Variants in IFT88 observed in about 807,000 individuals in gnomAD.
IFT88 encodes the protein intraflagellar transport protein 88 homolog.
In IFT88, 74 loss-of-function variants were observed where a neutral mutation model predicts 119.5. The ratio of observed to expected loss-of-function variants is 0.62; its 90% CI spans 0.51 to 0.75. The LOEUF (loss-of-function observed/expected upper bound fraction) is 0.75. Ranked by LOEUF, IFT88 falls within the 30% of genes least tolerant of loss-of-function variation. The pLI, the probability that IFT88 is intolerant of heterozygous loss-of-function variation, is 0.00. For missense variants in IFT88, 961 were observed against 977.7 expected (o/e 0.98, Z 0.23); for synonymous variants, 279 against 316.7 (o/e 0.88, Z 1.26).
intron 1 of IFT88, 141 bp from the exon 2 acceptor site, chr13:20,574,239 G>T: frequency 2.5e-6 from 1 of 403,292 alleles, no homozygotes; most frequent in East Asian, 4.2e-5. Context: ...AGGATCACTT[G>T]TGCCAGAGAG....
intron 20 of IFT88, among the ~76,000 whole-genome samples, chr13:20,651,390 A>G (rs1423866735): frequency 6.7e-6 from 1 of 148,210 alleles, no homozygotes; most frequent in Non-Finnish European, 1.5e-5. Flanking sequence ...ACCCAAAGGA[A>G]TTGAAAGCTG....
At chr13:20,672,253 G>T (rs917662826) in intron 24 of IFT88, among the ~76,000 whole-genome samples, 2 of 152,110 alleles carry the variant, frequency 1.3e-5, no homozygotes, top group Non-Finnish European at 2.9e-5. Context: ...GTGGCATCGG[G>T]TTCTAGCCAG....
At chr13:20,633,091 T>A (rs771678956) in intron 16 of IFT88, among the ~76,000 whole-genome samples, 61 of 152,108 alleles carry the variant, frequency 4.0e-4, no homozygotes, top group Non-Finnish European at 1.9e-4. Flanking sequence ...GGAAAAGATG[T>A]TGTGTTTCTT....
chr13:20,629,841 A>C (rs367873314), intron 15 of IFT88, among the ~76,000 whole-genome samples: 39 of 152,308 alleles, frequency 2.6e-4, no homozygotes, highest in African/African-American at 8.2e-4. Flanking sequence ...CTAATCAGTA[A>C]ATATATTTTA....
intron 3 of IFT88, among the ~76,000 whole-genome samples, chr13:20,583,390 C>T (rs772941617): frequency 5.9e-5 from 9 of 152,178 alleles, no homozygotes; most frequent in Non-Finnish European, 1.3e-4. Context: ...TAGCATGTGA[C>T]AGAATCTCCT....
chr13:20,652,388 G>C (rs111478362), intron 20 of IFT88, among the ~76,000 whole-genome samples: 4,376 of 152,110 alleles, frequency 0.029, 212 homozygotes, highest in African/African-American at 0.1. Flanking sequence ...TGTAATTCCA[G>C]CACTTTGGGA....
Position 20,671,257 on chromosome 13 carries a change from T to C in IFT88, c.2242+218T>C, listed in dbSNP as rs182635440. Among the ~76,000 whole-genome samples, 12 of 152,328 alleles carry C rather than the reference T, an allele frequency of 7.9e-5. No homozygotes were observed. In the East Asian group the frequency reaches 2.3e-3, roughly 29 times the overall value. On this transcript the variant is annotated intron_variant, in intron 24 of 25. Transcript: ENST00000351808. ...GATTTTCTTAAATAACCATGCTTGTTTTTGCTAGTTGATTAATAAACAAGT... is the reference window on the plus strand; with the variant it reads ...GATTTTCTTAAATAACCATGCTTGTCTTTGCTAGTTGATTAATAAACAAGT...
intron 23 of IFT88, among the ~76,000 whole-genome samples, chr13:20,666,341 G>A (rs750416205): frequency 6.6e-6 from 1 of 152,144 alleles, no homozygotes. Context: ...AGCAGGGTCC[G>A]ACATCCAGCA....
At chr13:20,593,559 C>T (rs1193837971) in intron 7 of IFT88, among the ~76,000 whole-genome samples, 1 of 151,100 alleles carries the variant, frequency 6.6e-6, no homozygotes, top group East Asian at 1.9e-4. Context: ...AATTGTAATT[C>T]TTAAACCCAG....
chr13:20,687,879 A>T (rs767900660), intron 24 of IFT88, among the ~76,000 whole-genome samples: 22 of 147,706 alleles, frequency 1.5e-4, no homozygotes, highest in Admixed American at 7.4e-4. Context: ...GGCATTGCCT[A>T]GCTAATCCCT....
At chr13:20,640,926 G>T (rs1364942048) in intron 17 of IFT88, among the ~76,000 whole-genome samples, 1 of 152,036 alleles carries the variant, frequency 6.6e-6, no homozygotes, top group Admixed American at 6.6e-5. Context: ...CAGGTGGATC[G>T]CTTGAGGCCA....
intron 4 of IFT88, 119 bp from the exon 5 acceptor site, chr13:20,590,848 A>G: frequency 2.9e-6 from 2 of 683,702 alleles, no homozygotes; most frequent in Non-Finnish European, 5.1e-6. Flanking sequence ...AGGAGGTACA[A>G]GGAATAAATT....
chr13:20,642,179 T>A (rs1343955685), intron 18 of IFT88: 1 of 152,242 alleles, frequency 6.6e-6, no homozygotes, highest in African/African-American at 2.4e-5. Context: ...CTTAGGTAGA[T>A]TTTCAACTTA....
At chr13:20,662,078 T>C (rs1253446375) in intron 22 of IFT88, among the ~76,000 whole-genome samples, 2 of 152,120 alleles carry the variant, frequency 1.3e-5, no homozygotes, top group Non-Finnish European at 2.9e-5. Context: ...TTGAAAGATA[T>C]TTAATAGAGC....
intron 22 of IFT88, among the ~76,000 whole-genome samples, chr13:20,661,158 G>A (rs1163542027): frequency 6.6e-6 from 1 of 152,172 alleles, no homozygotes; most frequent in Non-Finnish European, 1.5e-5. Flanking sequence ...AATGTGCAAA[G>A]TGCTGTCAAA....
Position 20,620,865 on chromosome 13 carries a change from A to G in IFT88, c.1200-4885A>G, listed in dbSNP as rs141607559. 4.7e-3 allele frequency among the ~76,000 whole-genome samples: 719 copies of G among 152,272 alleles called. 10 individuals are homozygous for G. The highest frequency in any genetic ancestry group is 0.016 in the African/African-American group (683 of 41,538). On this transcript the variant is annotated intron_variant, in intron 14 of 25. Coordinates refer to ENST00000351808, the MANE Select transcript of IFT88 (RefSeq NM_006531.5). ...TTTTGAATGGAATTAGTGCCCTTAT[A>G]AAAAGAGACTCTGGAGAGCTAGCTA...
intron 13 of IFT88, chr13:20,607,312 C>T (rs892827244): frequency 1.9e-5 from 9 of 465,736 alleles, no homozygotes; most frequent in Non-Finnish European, 3.0e-5. Flanking sequence ...GCAAGTACTT[C>T]GCATCCCTGT....
chr13:20,597,173 G>T (rs1281314275), intron 9 of IFT88, 54 bp downstream of exon 9: 1 of 853,162 alleles, frequency 1.2e-6, no homozygotes, highest in East Asian at 2.8e-5. Flanking sequence ...TAGGGTTAAT[G>T]GGTTCCAGAG....
intron 20 of IFT88, among the ~76,000 whole-genome samples, chr13:20,651,700 GTTATTA>G (rs370492950): frequency 7.6e-4 from 116 of 151,724 alleles, no homozygotes; most frequent in African/African-American, 2.3e-3. Context: ...TATTTTATTA[GTTATTA>G]TTATTAACCT....
Sources: gnomAD v4.1 joint callset for allele counts (sites outside exome capture counted in the v4.1 genomes callset) on GRCh38, gnomAD v4.1.1 for gene constraint, MANE v1.5 for transcripts, NCBI Gene and HGNC (gene_info 2026-07-23, HGNC 2026-07-21) for gene names.